The following FBXO3 variants were observed in gnomAD, a reference collection of about 807,000 sequenced individuals.
The protein encoded by FBXO3 is F-box only protein 3.
In FBXO3, 17 loss-of-function variants were observed where a neutral mutation model predicts 64.8. The observed-to-expected ratio is 0.26, with a 90% CI of 0.18 to 0.39. The LOEUF (loss-of-function observed/expected upper bound fraction) is 0.39. Ranked by LOEUF, FBXO3 falls within the 10% of genes least tolerant of loss-of-function variation. The probability of loss-of-function intolerance (pLI) is 1.00; values close to 1 mark genes in which losing one functional copy is unlikely to be tolerated. For missense variants in FBXO3, 420 were observed against 589.9 expected, an observed-to-expected ratio of 0.71 and a Z score of 2.98; for synonymous variants, 182 against 201.6, an observed-to-expected ratio of 0.90 and a Z score of 0.82.
At chr11:33,744,554 G>A (rs547072693) in intron 10 of FBXO3, 5 of 152,268 alleles carry the variant, frequency 3.3e-5, no homozygotes, top group African/African-American at 1.2e-4. Context: ...CTCCATATCA[G>A]AAAACTAATA....
intron 10 of FBXO3, 56 bp from the exon 11 acceptor site, chr11:33,742,140 T>C: frequency 7.0e-7 from 1 of 1,422,034 alleles, no homozygotes; most frequent in Middle Eastern, 1.8e-4. Flanking sequence ...TTTTTAGTTA[T>C]TTCATGTAAA....
At chr11:33,760,925 AAAG>A in intron 3 of FBXO3, among the ~76,000 whole-genome samples, 1 of 152,196 alleles carries the variant, frequency 6.6e-6, no homozygotes. Context: ...GGTAAGTCTA[AAAG>A]AATATTGAAT....
intron 10 of FBXO3, chr11:33,745,631 C>T (rs934050550): frequency 6.6e-6 from 1 of 152,092 alleles, no homozygotes; most frequent in African/African-American, 2.4e-5. Context: ...TTTTGAACTA[C>T]GCGTTCATGA....
intron 1 of FBXO3, chr11:33,772,968 C>A (rs954842190): frequency 1.4e-5 from 2 of 146,792 alleles, no homozygotes; most frequent in African/African-American, 5.1e-5. Flanking sequence ...GCATTCCAGG[C>A]AAGGTCGAGA....
At chr11:33,748,738 A>G in intron 9 of FBXO3, 39 bp downstream of exon 9, 1 of 1,280,670 alleles carries the variant, frequency 7.8e-7, no homozygotes, top group South Asian at 1.2e-5. Flanking sequence ...CATTTCTTCT[A>G]AGGAATTAAT....
At chr11:33,745,908 A>C (rs1370400230) in intron 10 of FBXO3, 1 of 152,138 alleles carries the variant, frequency 6.6e-6, no homozygotes, top group African/African-American at 2.4e-5. Flanking sequence ...GAAGATATAA[A>C]TTAACAATAT....
chr11:33,771,543 G>A (rs1007962884), intron 1 of FBXO3: 1 of 152,122 alleles, frequency 6.6e-6, no homozygotes, highest in African/African-American at 2.4e-5. Flanking sequence ...CCTAAGATTA[G>A]GACTCTATCC....
rs144411199 is a variant in FBXO3 at position 33,743,869 on chromosome 11, C to T, written c.1240-1785G>A. On this transcript the variant is annotated intron_variant, in intron 10 of 10. Coordinates refer to ENST00000265651, the MANE Select transcript of FBXO3 (RefSeq NM_012175.4). This position sits in a 1 kb window ranked among gnomAD's most constrained non-coding sequence, Gnocchi z 4.6. ...TGTTTCTCCACAGCACTTATTACTACTTAATATAAGGACATAGTGTTTATT... is the reference window on the plus strand; with the variant it reads ...TGTTTCTCCACAGCACTTATTACTATTTAATATAAGGACATAGTGTTTATT... The T allele has an allele frequency of 6.6e-6, 1 of 152,288 alleles. No individual in the cohort carries two copies. Among genetic ancestry groups the T allele is most frequent in the African/African-American group, 2.4e-5 (1 of 41,562 alleles). 9.4% of individuals were successfully genotyped at this position (152,288 alleles called of 1,614,324 possible).
intron 9 of FBXO3, among the ~76,000 whole-genome samples, chr11:33,748,536 G>A (rs1203772609): frequency 6.6e-6 from 1 of 151,726 alleles, no homozygotes; most frequent in East Asian, 1.9e-4. Context: ...TCTGCCCTAT[G>A]TGTTCTAACC....
At chr11:33,770,944 C>A in intron 1 of FBXO3, 114 bp from the exon 2 acceptor site, 1 of 730,638 alleles carries the variant, frequency 1.4e-6, no homozygotes, top group South Asian at 2.3e-5. Flanking sequence ...TTACTTTTCA[C>A]TTATTACCCT....
intron 7 of FBXO3, among the ~76,000 whole-genome samples, chr11:33,751,222 A>G (rs1564987726): frequency 6.6e-6 from 1 of 152,214 alleles, no homozygotes; most frequent in East Asian, 1.9e-4. Flanking sequence ...CAGTTGCCAA[A>G]TAACTTTTTG....
chr11:33,747,093 G>A (rs1479597545), intron 10 of FBXO3, 37 bp downstream of exon 10: 1 of 1,606,678 alleles, frequency 6.2e-7, no homozygotes, highest in African/African-American at 1.3e-5. Flanking sequence ...ACCCTACAAA[G>A]TCATGTAAAT....
chr11:33,757,469 T>TAAA (rs1306324465), intron 4 of FBXO3, among the ~76,000 whole-genome samples: 2 of 110,660 alleles, frequency 1.8e-5, no homozygotes, highest in African/African-American at 3.7e-5. Context: ...ATAATAATAA[T>TAAA]AAAAAAATAA....
intron 10 of FBXO3, chr11:33,746,695 A>G: frequency 7.3e-7 from 1 of 1,364,650 alleles, no homozygotes; most frequent in Non-Finnish European, 9.9e-7. Flanking sequence ...AGTTGACTTA[A>G]GAAATGATCC....
chr11:33,752,959 G>A (rs1038450363), intron 6 of FBXO3, among the ~76,000 whole-genome samples: 5 of 152,146 alleles, frequency 3.3e-5, no homozygotes, highest in Non-Finnish European at 5.9e-5. Context: ...AGACTAGGCA[G>A]CATTCACTAC....
intron 4 of FBXO3, among the ~76,000 whole-genome samples, chr11:33,756,236 T>C (rs1442428979): frequency 6.6e-6 from 1 of 152,250 alleles, no homozygotes; most frequent in East Asian, 1.9e-4. Flanking sequence ...ACAGTTTTAC[T>C]GTTTTCAACA....
chr11:33,759,779 C>T (rs547339910), intron 3 of FBXO3, among the ~76,000 whole-genome samples: 1 of 152,100 alleles, frequency 6.6e-6, no homozygotes, highest in South Asian at 2.1e-4. Flanking sequence ...TAAACATGGA[C>T]TTAAAAATAA....
At chr11:33,746,945 G>C (rs1854827290) in intron 10 of FBXO3, 185 bp downstream of exon 10, 1 of 1,447,876 alleles carries the variant, frequency 6.9e-7, no homozygotes, top group Non-Finnish European at 9.0e-7. Context: ...TCTCTGGTTA[G>C]AGACTATGGA....
At chr11:33,762,837 G>T (rs1397008874) in intron 3 of FBXO3, among the ~76,000 whole-genome samples, 1 of 151,698 alleles carries the variant, frequency 6.6e-6, no homozygotes, top group Admixed American at 6.6e-5. Context: ...CCAGCTCTTT[G>T]AAAAGATTAA....
Sources: gnomAD v4.1 joint callset for allele counts (sites outside exome capture counted in the v4.1 genomes callset) on GRCh38, gnomAD v4.1.1 for gene constraint, Gnocchi (gnomAD v3.1) non-coding constraint, MANE v1.5 for transcripts, NCBI Gene and HGNC (gene_info 2026-07-23, HGNC 2026-07-21) for gene names.